The following GNA15 variants were observed in gnomAD, a reference collection of about 807,000 sequenced individuals.
GNA15 encodes the protein guanine nucleotide-binding protein subunit alpha-15.
GNA15 carries 23 observed loss-of-function variants against 40.1 expected under a neutral mutation model. The observed-to-expected ratio is 0.57, with a 90% CI of 0.41 to 0.81. The LOEUF is 0.81. Among genes scored for constraint, GNA15 ranks in the 40% least tolerant of loss-of-function variants. GNA15 has a pLI of 0.00. For missense variants in GNA15, 522 were observed against 515.8 expected, an observed-to-expected ratio of 1.01 and a Z score of -0.12; for synonymous variants, 226 against 210.4, an observed-to-expected ratio of 1.07 and a Z score of -0.64.
At chr19:3,156,819 C>T (rs959805560) in intron 5 of GNA15, among the ~76,000 whole-genome samples, 1 of 151,976 alleles carries the variant, frequency 6.6e-6, no homozygotes, top group Non-Finnish European at 1.5e-5. Flanking sequence ...AATAAGTACA[C>T]CAGTCGTCTA....
intron 1 of GNA15, among the ~76,000 whole-genome samples, chr19:3,140,044 AATCTATCTATCTATCT>A (rs59955919): frequency 8.1e-6 from 1 of 124,054 alleles, no homozygotes; most frequent in Non-Finnish European, 1.8e-5. Flanking sequence ...AAAAAAAAAA[AATCTATCTATCTATCT>A]ATCTATCTAT....
chr19:3,158,355 T>C (rs1915076246), intron 6 of GNA15, among the ~76,000 whole-genome samples: 1 of 152,012 alleles, frequency 6.6e-6, no homozygotes, highest in African/African-American at 2.4e-5. Flanking sequence ...GATTTCACCA[T>C]GTTGACCAGG....
At chr19:3,162,552 CTGGGTCTCAT>C (rs1915162567) in intron 6 of GNA15, among the ~76,000 whole-genome samples, 1 of 152,244 alleles carries the variant, frequency 6.6e-6, no homozygotes, top group Non-Finnish European at 1.5e-5. Flanking sequence ...AGTCCCAGAG[CTGGGTCTCAT>C]TGGTCCATTT....
rs556346049 is a variant in GNA15, at chr19:3,156,431, GCA to G, written c.744+488_744+489del. On this transcript the variant is annotated intron_variant, in intron 5 of 6. Coordinates refer to ENST00000262958, the MANE Select transcript of GNA15 (RefSeq NM_002068.4). ...TGCGCACACACATGAACACACACAT[GCA>G]CACACACAGTACACACATGCACACG... 1.1e-3 allele frequency among the ~76,000 whole-genome samples: 158 copies of G among 140,972 alleles called. No individual in the cohort carries two copies. The East Asian group carries it at 0.016, about 15-fold the overall frequency. 92.5% of individuals were successfully genotyped at this position (140,972 alleles called of 152,430 possible). A position where few individuals can be genotyped will look rare whatever the true frequency, so the allele number is the denominator to read the frequency against.
In GNA15 at chr19:3,136,457, C is replaced by T. The variant is rs1360472964; in HGVS notation, c.7C>T (p.Arg3Cys). 8 of 1,549,262 alleles carry T rather than the reference C, an allele frequency of 5.2e-6. No individual in the cohort carries two copies. The highest frequency in any genetic ancestry group is 4.1e-5 in the African/African-American group (3 of 73,006). The stretch of plus-strand genomic sequence containing the variant: ...CGACTGAGGCCACCGCACCATGGCC[C>T]GCTCGCTGACCTGGCGCTGCTGCCC... MA[R>C]SLTWRCCPWC... Residue 3 changes from arginine to cysteine, a missense_variant, in exon 1 of 7, where the codon CGC (arginine) becomes TGC (cysteine). Transcript: ENST00000262958. The surrounding 1 kb of genome is among the most constrained non-coding windows in gnomAD (Gnocchi z 4.9).
chr19:3,160,008 T>C (rs927474542), intron 6 of GNA15, among the ~76,000 whole-genome samples: 5 of 152,210 alleles, frequency 3.3e-5, no homozygotes, highest in African/African-American at 1.2e-4. Flanking sequence ...TAAAGTGTGG[T>C]GGCGGGTGTC....
In GNA15 at chr19:3,157,829, G is replaced by A. The variant is rs149128832; in HGVS notation, c.846G>A (p.Leu282=). ...TCTTTCTCAACAAAACCGACATCCT[G>A]GAGGAGAAAATCCCCACCTCCCACC... ...VILFLNKTDI[L]EEKIPTSHLA... is the part of the protein sequence containing the mutation. The change falls in exon 6 of 7, where the codon CTG becomes CTA. Residue 282 remains leucine (L), a synonymous_variant. Transcript: ENST00000262958. The A allele has an allele frequency of 2.4e-4, 382 of 1,613,784 alleles. 2 individuals are homozygous for A. The African/African-American group carries it at 4.7e-3, about 20-fold the overall frequency.
chr19:3,163,021 C>G lies in GNA15; in HGVS notation c.*2C>G. 2.5e-6 allele frequency: 4 copies of G among 1,605,862 alleles called. No homozygotes were observed. Among genetic ancestry groups the G allele is most frequent in the Non-Finnish European group, 3.4e-6 (4 of 1,172,760 alleles). ...CTGGACGAGATCAACCTGCTGTGAC[C>G]CAGGCCCCACCTGGGGCAGGCGGCA... On this transcript the variant is annotated 3_prime_UTR_variant, in exon 7 of 7. Transcript: ENST00000262958.
At chr19:3,138,831 G>A (rs12979281) in intron 1 of GNA15, among the ~76,000 whole-genome samples, 41,370 of 149,334 alleles carry the variant, frequency 0.28, 5,942 homozygotes, top group Non-Finnish European at 0.32. Context: ...GTAGAGATGG[G>A]GTTCCACCAT....
intron 1 of GNA15, among the ~76,000 whole-genome samples, chr19:3,139,527 T>A (rs1914527937): frequency 6.8e-6 from 1 of 146,646 alleles, no homozygotes. Flanking sequence ...CCTGGGAGGT[T>A]GAGGCTGCAG....
intron 6 of GNA15, among the ~76,000 whole-genome samples, chr19:3,160,739 G>A (rs1915122217): frequency 6.6e-6 from 1 of 152,084 alleles, no homozygotes; most frequent in Admixed American, 6.6e-5. Flanking sequence ...TCCTTTTGGA[G>A]GCTCTAAGGG....
Position 3,148,663 on chromosome 19 carries a change from A to G in GNA15, c.218A>G (p.Glu73Gly). 1 of 1,591,964 alleles carries G rather than the reference A, an allele frequency of 6.3e-7. No homozygotes were observed. Among genetic ancestry groups the G allele is most frequent in the Admixed American group, 1.8e-5 (1 of 56,628 alleles). ...RIIHGAGYSEEERKGFRPLVY... is the reference protein window; with the variant it reads ...RIIHGAGYSEGERKGFRPLVY... ...ATCCACGGCGCCGGCTACTCGGAGG[A>G]GGAGCGCAAGGGCTTCCGGCCCCTG... The change falls in exon 2 of 7, where the codon GAG becomes GGG. Residue 73 changes from glutamate (E) to glycine (G), a missense_variant. Physicochemically the swap from Glu to Gly is moderately conservative, Grantham distance 98. Transcript: ENST00000262958.
At chr19:3,158,732 C>T (rs1428096371) in intron 6 of GNA15, among the ~76,000 whole-genome samples, 1 of 152,104 alleles carries the variant, frequency 6.6e-6, no homozygotes, top group African/African-American at 2.4e-5. Context: ...AGTGATTCTC[C>T]TGCCTTAGCC....
At chr19:3,138,973 T>C (rs2144838523) in intron 1 of GNA15, among the ~76,000 whole-genome samples, 1 of 130,562 alleles carries the variant, frequency 7.7e-6, no homozygotes, top group East Asian at 2.3e-4. Flanking sequence ...TTAGATTGAG[T>C]CTTGCTCTGT....
At chr19:3,142,172 G>A (rs1386491401) in intron 1 of GNA15, 1 of 152,274 alleles carries the variant, frequency 6.6e-6, no homozygotes, top group Non-Finnish European at 1.5e-5. Context: ...TGCCCAGGAG[G>A]AAGCAGGAAC....
chr19:3,162,501 G>A (rs746969392), intron 6 of GNA15, among the ~76,000 whole-genome samples: 7 of 152,198 alleles, frequency 4.6e-5, no homozygotes, highest in East Asian at 1.9e-4. Context: ...GGCTGTAAGC[G>A]AGGCCAAGAG....
In GNA15 at chr19:3,148,628, G is replaced by C; in HGVS notation, c.183G>C (p.Gln61His). ...GCGGGAAGAGCACCTTCATCAAGCA[G>C]ATGCGGATCATCCACGGCGCCGGCT... ...GESGKSTFIK[Q>H]MRIIHGAGYS... Residue 61 changes from glutamine (Q) to histidine (H), a missense_variant, in exon 2 of 7, where the codon CAG becomes CAC. Gln to His is a conservative substitution (Grantham distance 24). Coordinates refer to ENST00000262958, the MANE Select transcript of GNA15 (RefSeq NM_002068.4). 3 of 1,588,076 alleles carry C rather than the reference G, an allele frequency of 1.9e-6. No homozygotes were observed. Among genetic ancestry groups the C allele is most frequent in the Non-Finnish European group, 2.6e-6 (3 of 1,166,880 alleles).
Position 3,148,716 on chromosome 19 carries a change from C to T in GNA15, c.271C>T (p.Arg91Trp). 1.2e-6 allele frequency: 2 copies of T among 1,602,370 alleles called. No homozygotes were observed. Among genetic ancestry groups the T allele is most frequent in the East Asian group, 2.3e-5 (1 of 44,400 alleles). The change falls in exon 2 of 7, where the codon CGG becomes TGG. Residue 91 changes from arginine (R) to tryptophan (W), a missense_variant. Physicochemically the swap from Arg to Trp is moderately radical, Grantham distance 101. Transcript: ENST00000262958. ...CTACCAGAACATCTTCGTGTCCATGCGGGCCATGATCGAGGCCATGGAGCG... is the reference window on the plus strand; with the variant it reads ...CTACCAGAACATCTTCGTGTCCATGTGGGCCATGATCGAGGCCATGGAGCG... ...LVYQNIFVSM[R>W]AMIEAMERLQ...
At chr19:3,147,979 G>A (rs1201490166) in intron 1 of GNA15, among the ~76,000 whole-genome samples, 1 of 151,938 alleles carries the variant, frequency 6.6e-6, no homozygotes, top group Non-Finnish European at 1.5e-5. Context: ...CCCTCAAGCA[G>A]CCGGAGTTTG....
Sources: gnomAD v4.1 joint callset for allele counts (sites outside exome capture counted in the v4.1 genomes callset) on GRCh38, gnomAD v4.1.1 for gene constraint, Gnocchi (gnomAD v3.1) non-coding constraint, MANE v1.5 for transcripts, NCBI Gene and HGNC (gene_info 2026-07-23, HGNC 2026-07-21) for gene names.